The following LYZL1 variants were observed in gnomAD, a reference collection of about 807,000 sequenced individuals.
The protein encoded by LYZL1 is lysozyme like 1.
LYZL1 carries 16 observed loss-of-function variants against 17.9 expected under a neutral mutation model. That is an observed-to-expected ratio of 0.90 (90% CI 0.61 to 1.36). LYZL1 has a LOEUF of 1.36. LYZL1 is among the 40% of genes most tolerant of loss of function. LYZL1 has a pLI of 0.00. For synonymous variants in LYZL1, 58 were observed against 71.8 expected (o/e 0.81, Z 0.97); for missense variants, 149 against 188.4 (o/e 0.79, Z 1.22).
intron 1 of LYZL1, among the ~76,000 whole-genome samples, chr10:29,289,915 G>A (rs1240188599): frequency 6.6e-6 from 1 of 152,188 alleles, no homozygotes; most frequent in Non-Finnish European, 1.5e-5. Flanking sequence ...ATTACCAAAT[G>A]GGTGTAGCTA....
intron 3 of LYZL1, among the ~76,000 whole-genome samples, chr10:29,308,851 G>A (rs144244765): frequency 0.018 from 2,792 of 152,174 alleles, 48 homozygotes; most frequent in South Asian, 0.08. Context: ...TGTAGTCCCA[G>A]CTACTTGAGA....
In LYZL1 at chr10:29,303,033, T is replaced by C. The variant is rs369485213; in HGVS notation, c.299-7077T>C. ...TGAGGATTCAGCAAGGTCTATTCCC[T>C]TGGGCTAGTCAGAAATCAAATGTCT... On this transcript the variant is annotated intron_variant, in intron 3 of 4. Coordinates refer to ENST00000649382, the MANE Select transcript of LYZL1 (RefSeq NM_032517.6). Among the ~76,000 whole-genome samples, 9 of 152,324 alleles carry C rather than the reference T, an allele frequency of 5.9e-5. 1 individual carries two copies. The East Asian group carries it at 1.2e-3, about 20-fold the overall frequency.
In LYZL1 at chr10:29,295,728, C is replaced by CAG. The variant is rs1284243460; in HGVS notation, c.298+3058_298+3059dup. On this transcript the variant is annotated intron_variant, in intron 3 of 4. Transcript: ENST00000649382. ...GCAGAGAATCTTGCCCAGCTGTGGTCAGAGAGAGCTCCAATGATAGAAGAA... is the reference window on the plus strand; with the variant it reads ...GCAGAGAATCTTGCCCAGCTGTGGTCAGAGAGAGAGCTCCAATGATAGAAGAA... Among the ~76,000 whole-genome samples the CAG allele has an allele frequency of 2.6e-5, 4 of 152,110 alleles. No homozygotes were observed. In the East Asian group the frequency reaches 7.7e-4, roughly 29 times the overall value.
At chr10:29,306,490 C>T (rs1466261791) in intron 3 of LYZL1, among the ~76,000 whole-genome samples, 2 of 121,240 alleles carry the variant, frequency 1.6e-5, no homozygotes, top group African/African-American at 6.4e-5. Flanking sequence ...GCGGAGCTTG[C>T]AGTGAGCCGA....
At chr10:29,289,459 C>T (rs1010066399) in intron 1 of LYZL1, among the ~76,000 whole-genome samples, 6 of 149,030 alleles carry the variant, frequency 4.0e-5, no homozygotes, top group African/African-American at 1.5e-4. Context: ...CACTCTGCTG[C>T]CCAGGCTGGA....
chr10:29,315,542 TA>T (rs1286929395), downstream of LYZL1, among the ~76,000 whole-genome samples: 1 of 151,192 alleles, frequency 6.6e-6, no homozygotes, highest in Non-Finnish European at 1.5e-5. Context: ...AATAAATAAA[TA>T]AATACCATAA....
At chr10:29,314,676 A>G (rs1486379265), downstream of LYZL1, among the ~76,000 whole-genome samples, 1 of 152,226 alleles carries the variant, frequency 6.6e-6, no homozygotes, top group African/African-American at 2.4e-5. Context: ...ATGTGGAATC[A>G]CAGAAAGTTT....
rs894950676 is a variant in LYZL1 at position 29,311,183 on chromosome 10, T to G, written c.*124T>G. 6.3e-7 allele frequency: 1 copy of G among 1,597,804 alleles called. No individual in the cohort carries two copies. Among genetic ancestry groups the G allele is most frequent in the Non-Finnish European group, 8.5e-7 (1 of 1,174,074 alleles). ...CTTCTCAAACTTGGAGAGGGAAAAT[T>G]AAGCTATACTTTTAAGAAAATAAAT... On this transcript the variant is annotated 3_prime_UTR_variant, in exon 5 of 5. Coordinates refer to ENST00000649382, the MANE Select transcript of LYZL1 (RefSeq NM_032517.6).
intron 1 of LYZL1, among the ~76,000 whole-genome samples, chr10:29,289,846 G>A (rs1835337267): frequency 6.6e-6 from 1 of 152,100 alleles, no homozygotes; most frequent in Admixed American, 6.5e-5. Flanking sequence ...GGTCTATACG[G>A]CCTCAAACAC....
chr10:29,295,244 T>C (rs928417367), intron 3 of LYZL1, among the ~76,000 whole-genome samples: 18 of 152,236 alleles, frequency 1.2e-4, no homozygotes, highest in African/African-American at 4.1e-4. Context: ...TGTCTTCTTC[T>C]AACCTTCTAT....
At chr10:29,292,436 G>A in intron 2 of LYZL1, 83 bp from the exon 3 acceptor site, 1 of 1,561,920 alleles carries the variant, frequency 6.4e-7, no homozygotes, top group South Asian at 1.2e-5. Context: ...CAGGTAACAA[G>A]GATAAGGAAA....
At chr10:29,309,969 G>T in intron 3 of LYZL1, 141 bp from the exon 4 acceptor site, 1 of 596,772 alleles carries the variant, frequency 1.7e-6, no homozygotes. Flanking sequence ...ATGAAAATAA[G>T]ATTGTGGCTT....
intron 4 of LYZL1, among the ~76,000 whole-genome samples, chr10:29,310,677 G>T (rs1037250082): frequency 6.6e-6 from 1 of 152,214 alleles, no homozygotes; most frequent in African/African-American, 2.4e-5. Flanking sequence ...ATTCGCTGCT[G>T]CTGTGTTCTG....
At chr10:29,315,143 G>A (rs1835714507), downstream of LYZL1, among the ~76,000 whole-genome samples, 1 of 152,198 alleles carries the variant, frequency 6.6e-6, no homozygotes, top group Non-Finnish European at 1.5e-5. Context: ...AAATGCTCTG[G>A]ATGTCTAAAA....
At chr10:29,292,455 C>T (rs2368433) in intron 2 of LYZL1, 64 bp from the exon 3 acceptor site, 2 of 1,583,102 alleles carry the variant, frequency 1.3e-6, no homozygotes, top group South Asian at 1.2e-5. Context: ...AACTCGCCCT[C>T]AGACCAAGCT....
chr10:29,306,796 A>ATGTGTGTGTGTG (rs35332190), intron 3 of LYZL1, among the ~76,000 whole-genome samples: 1,469 of 141,116 alleles, frequency 0.01, 20 homozygotes, highest in African/African-American at 0.027. Flanking sequence ...CCGCTTATGT[A>ATGTGTGTGTGTG]TGTGTGTGTG....
intron 3 of LYZL1, among the ~76,000 whole-genome samples, chr10:29,295,366 T>A (rs1835433839): frequency 6.6e-6 from 1 of 152,252 alleles, no homozygotes; most frequent in South Asian, 2.1e-4. Flanking sequence ...CATCTCTGGT[T>A]TCTTATCTTC....
chr10:29,303,971 A>C (rs1328537172), intron 3 of LYZL1, among the ~76,000 whole-genome samples: 1 of 152,096 alleles, frequency 6.6e-6, no homozygotes, highest in Non-Finnish European at 1.5e-5. Context: ...ATGTTGCCCA[A>C]GCTAGTCTCA....
intron 1 of LYZL1, among the ~76,000 whole-genome samples, chr10:29,290,169 G>A (rs1187605962): frequency 6.6e-6 from 1 of 152,168 alleles, no homozygotes; most frequent in Admixed American, 6.5e-5. Context: ...GAAGTTTCTA[G>A]GCAAGTGCAG....
Sources: gnomAD v4.1 joint callset for allele counts (sites outside exome capture counted in the v4.1 genomes callset) on GRCh38, gnomAD v4.1.1 for gene constraint, MANE v1.5 for transcripts, NCBI Gene and HGNC (gene_info 2026-07-23, HGNC 2026-07-21) for gene names.